The following CEP78 variants were observed in gnomAD, a reference collection of about 807,000 sequenced individuals.
The protein encoded by CEP78 is centrosomal protein 78, also known as centrosomal protein of 78 kDa.
Under a neutral mutation model 81.2 loss-of-function variants are expected in CEP78, and 76 were observed. That is an observed-to-expected ratio of 0.94 (90% CI 0.78 to 1.13). The LOEUF is 1.13. CEP78 is among the 50% of genes most tolerant of loss of function. CEP78 has a pLI of 0.00. For synonymous variants in CEP78, 293 were observed against 301.4 expected (o/e 0.97, Z 0.29); for missense variants, 918 against 846.8 (o/e 1.08, Z -1.04).
intron 11 of CEP78, 107 bp downstream of exon 11, chr9:78,255,071 T>G (rs1826956698): frequency 1.2e-6 from 1 of 837,952 alleles, no homozygotes; most frequent in South Asian, 1.8e-5. Flanking sequence ...GAATTCTGTT[T>G]TCGCCTTCCT....
chr9:78,246,755 C>G lies in CEP78; in HGVS notation c.865C>G (p.Leu289Val), dbSNP rs770586355. The change falls in exon 6 of 17, where the codon CTG becomes GTG. Residue 289 changes from leucine to valine, a missense_variant. Physicochemically the swap from Leu to Val is conservative, Grantham distance 32 (BLOSUM62 1). Coordinates refer to ENST00000643273, the MANE Select transcript of CEP78 (RefSeq NM_001330691.3). ...ALETNTTLVV[L>V]DIRKNPLIDH... Reference sequence around the variant, plus strand: ...TGAAACCAATACAACTCTGGTCGTTCTGGATATAAGAAAAAATCCACTCAT... The same window carrying G: ...TGAAACCAATACAACTCTGGTCGTTGTGGATATAAGAAAAAATCCACTCAT... The G allele has an allele frequency of 1.9e-6, 3 of 1,602,770 alleles. No homozygotes were observed. The highest frequency in any genetic ancestry group is 2.6e-6 in the Non-Finnish European group (3 of 1,175,116).
At chr9:78,268,746 G>A (rs529586802) in intron 16 of CEP78, among the ~76,000 whole-genome samples, 212 of 148,536 alleles carry the variant, frequency 1.4e-3, no homozygotes, top group African/African-American at 4.6e-3. Context: ...GCAGTGGTGC[G>A]ATCTCGGCTC....
rs747065890 is a variant in CEP78, at chr9:78,273,961, C to T, written c.*3110C>T. ...CACAGCTGGTAGGAATGCAAAATGA[C>T]TCAGTCACTCAAAACAGTTTGGCAG... On this transcript the variant is annotated 3_prime_UTR_variant, in exon 17 of 17. Coordinates refer to ENST00000643273, the MANE Select transcript of CEP78 (RefSeq NM_001330691.3). 1.3e-5 allele frequency: 2 copies of T among 152,242 alleles called. No homozygotes were observed. The highest frequency in any genetic ancestry group is 2.9e-5 in the Non-Finnish European group (2 of 68,048). The allele number at this position is 152,242 out of a possible 1,614,324, so 9.4% of individuals were successfully genotyped here.
intron 9 of CEP78, among the ~76,000 whole-genome samples, chr9:78,252,960 A>G (rs1480996718): frequency 1.3e-5 from 2 of 152,222 alleles, no homozygotes; most frequent in Non-Finnish European, 2.9e-5. Context: ...GAGAACAATT[A>G]ATATCACCAG....
In CEP78 at chr9:78,274,001, A is replaced by G. The variant is rs1281814196; in HGVS notation, c.*3150A>G. The stretch of plus-strand genomic sequence containing the variant: ...CAGTTTGGCAGATTCTTTAAATGCT[A>G]ACATACACATACCATATGACCAAGC... On this transcript the variant is annotated 3_prime_UTR_variant, in exon 17 of 17. Transcript: ENST00000643273. The G allele has an allele frequency of 1.3e-5, 2 of 152,266 alleles. No homozygotes were observed. Among genetic ancestry groups the G allele is most frequent in the Non-Finnish European group, 2.9e-5 (2 of 68,058 alleles). 9.4% of individuals were successfully genotyped at this position (152,266 alleles called of 1,614,324 possible).
At chr9:78,244,436 C>G (rs1025960323) in intron 5 of CEP78, among the ~76,000 whole-genome samples, 4 of 152,146 alleles carry the variant, frequency 2.6e-5, no homozygotes, top group Non-Finnish European at 5.9e-5. Flanking sequence ...CCTGAAGTTA[C>G]TCCTGTAGGA....
At chr9:78,244,014 T>C (rs1316639349) in intron 5 of CEP78, among the ~76,000 whole-genome samples, 1 of 152,086 alleles carries the variant, frequency 6.6e-6, no homozygotes, top group East Asian at 1.9e-4. Context: ...CTCTATTATA[T>C]TGAGGCATAA....
chr9:78,256,980 A>G (rs7038927), intron 11 of CEP78, among the ~76,000 whole-genome samples: 6,164 of 152,278 alleles, frequency 0.04, 178 homozygotes, highest in Non-Finnish European at 0.058. Flanking sequence ...CTCAGTAGAT[A>G]GAACAGAAAG....
intron 1 of CEP78, among the ~76,000 whole-genome samples, chr9:78,238,013 T>A (rs1330752458): frequency 6.8e-6 from 1 of 146,256 alleles, no homozygotes; most frequent in Admixed American, 6.8e-5. Flanking sequence ...TAATCCCAGC[T>A]ACTTGGGAGG....
intron 4 of CEP78, 29 bp from the exon 5 acceptor site, chr9:78,243,433 A>G (rs774233421): frequency 1.3e-6 from 2 of 1,591,336 alleles, no homozygotes; most frequent in East Asian, 2.2e-5. Flanking sequence ...ATCCAAGTGT[A>G]TTAATTTCAT....
At chr9:78,245,107 A>G (rs979439519) in intron 5 of CEP78, among the ~76,000 whole-genome samples, 4 of 152,132 alleles carry the variant, frequency 2.6e-5, no homozygotes. Context: ...ACCATATTCT[A>G]TCAGATCCAT....
Position 78,236,531 on chromosome 9 carries a change from A to T in CEP78, c.181A>T (p.Thr61Ser), listed in dbSNP as rs1447971395. The change falls in exon 1 of 17, where the codon ACC becomes TCC. Residue 61 changes from threonine to serine, a missense_variant. Physicochemically the swap from Thr to Ser is moderately conservative, Grantham distance 58. Transcript: ENST00000643273. ...RGVDWAPLLS[T>S]LKINKDLPLV... Reference sequence around the variant, plus strand: ...GGTGGACTGGGCGCCTCTGCTGAGCACCCTCAAGATCAATAAAGACCTGCC... The same window carrying T: ...GGTGGACTGGGCGCCTCTGCTGAGCTCCCTCAAGATCAATAAAGACCTGCC... 24 of 1,605,748 alleles carry T rather than the reference A, an allele frequency of 1.5e-5. No homozygotes were observed. The highest frequency in any genetic ancestry group is 1.9e-5 in the Non-Finnish European group (22 of 1,176,286).
chr9:78,274,394 G>A lies in CEP78; in HGVS notation c.*3543G>A, dbSNP rs1349309139. 1 of 152,156 alleles carries A rather than the reference G, an allele frequency of 6.6e-6. No homozygotes were observed. The highest frequency in any genetic ancestry group is 1.5e-5 in the Non-Finnish European group (1 of 68,028). 9.4% of individuals were successfully genotyped at this position (152,156 alleles called of 1,614,324 possible). A position where few individuals can be genotyped will look rare whatever the true frequency, so the allele number is the denominator to read the frequency against. On this transcript the variant is annotated 3_prime_UTR_variant, in exon 17 of 17. Coordinates refer to ENST00000643273, the MANE Select transcript of CEP78 (RefSeq NM_001330691.3). ...GTTTGTTTTGGTGATGAACAGTTCT[G>A]TATCCTGATTGCGGTGGTGGTAACG... is the stretch of plus-strand genomic sequence containing the variant.
chr9:78,240,512 A>G (rs1826176772), intron 3 of CEP78, 148 bp downstream of exon 3: 1 of 701,952 alleles, frequency 1.4e-6, no homozygotes, highest in African/African-American at 1.8e-5. Flanking sequence ...CTACCATGAA[A>G]GCTTGGCATG....
intron 8 of CEP78, 166 bp downstream of exon 8, chr9:78,249,039 G>A (rs1826635465): frequency 3.2e-6 from 1 of 315,212 alleles, no homozygotes; most frequent in Non-Finnish European, 5.9e-6. Context: ...ATGGAATGTA[G>A]AAATAGTAAA....
intron 12 of CEP78, among the ~76,000 whole-genome samples, chr9:78,263,784 G>C (rs557134109): frequency 6.6e-6 from 1 of 152,122 alleles, no homozygotes; most frequent in African/African-American, 2.4e-5. Flanking sequence ...TATTTTACTG[G>C]CAAAAATTAG....
chr9:78,259,285 G>A (rs1827172101), intron 11 of CEP78, among the ~76,000 whole-genome samples: 1 of 152,140 alleles, frequency 6.6e-6, no homozygotes, highest in Non-Finnish European at 1.5e-5. Flanking sequence ...AGGGATGCAT[G>A]CATATAAAGG....
chr9:78,240,730 G>C (rs1410763758), intron 3 of CEP78, among the ~76,000 whole-genome samples: 1 of 152,134 alleles, frequency 6.6e-6, no homozygotes, highest in Admixed American at 6.5e-5. Flanking sequence ...GGAGGCCGAC[G>C]TGGGCGGATC....
chr9:78,240,453 T>A, intron 3 of CEP78, 89 bp downstream of exon 3: 1 of 1,083,960 alleles, frequency 9.2e-7, no homozygotes. Context: ...GTACCTTTTT[T>A]CTTACTACTG....
Sources: allele counts gnomAD v4.1 joint callset (sites outside exome capture counted in the v4.1 genomes callset), GRCh38; gene constraint gnomAD v4.1.1; transcripts MANE v1.5; gene names NCBI Gene and HGNC (gene_info 2026-07-23, HGNC 2026-07-21).